The following MDGA1 variants were observed in gnomAD, a reference collection of about 807,000 sequenced individuals.
The protein encoded by MDGA1 is MAM domain containing glycosylphosphatidylinositol anchor 1, also known as MAM domain-containing glycosylphosphatidylinositol anchor protein 1.
A neutral mutation model predicts 101.5 loss-of-function variants in MDGA1; 54 were observed. The observed-to-expected ratio is 0.53, with a 90% CI of 0.43 to 0.67. The LOEUF (loss-of-function observed/expected upper bound fraction) is 0.67, where lower values mean the gene tolerates loss of function less well. MDGA1 is among the 30% of genes least tolerant of loss of function. The pLI is 0.00. For synonymous variants in MDGA1, 533 were observed against 558.3 expected (o/e 0.95, Z 0.64); for missense variants, 1,083 against 1,323.8 (o/e 0.82, Z 2.82).
At chr6:37,658,183 G>A (rs748375536) in intron 3 of MDGA1, 62 bp downstream of exon 3, 18 of 1,465,204 alleles carry the variant, frequency 1.2e-5, no homozygotes, top group Non-Finnish European at 1.5e-5. Flanking sequence ...CCTCATCCCT[G>A]GGGCGCCCTC....
intron 14 of MDGA1, among the ~76,000 whole-genome samples, chr6:37,640,669 T>G (rs1353231094): frequency 6.6e-6 from 1 of 151,910 alleles, no homozygotes; most frequent in Non-Finnish European, 1.5e-5. Context: ...TGTAAAGGGA[T>G]GTCAGGAAGC....
intron 2 of MDGA1, 29 bp downstream of exon 2, chr6:37,663,938 G>C (rs375399316): frequency 3.6e-5 from 58 of 1,612,708 alleles, no homozygotes; most frequent in Non-Finnish European, 4.7e-5. Flanking sequence ...GGTAGGAGGG[G>C]CCTGAGCAAG....
At position 37,657,337 on chromosome 6, in the gene MDGA1, C is replaced by T. The variant is rs138513044; in HGVS notation, c.382+908G>A. Among the ~76,000 whole-genome samples the T allele has an allele frequency of 2.8e-3, 423 of 152,262 alleles. 4 individuals carry two copies. Among genetic ancestry groups the T allele is most frequent in the African/African-American group, 9.6e-3 (399 of 41,540 alleles). Reference sequence around the variant, plus strand: ...CAGTACACATTCCAACATCTTGCAACGAATGTTCCAGCAGCCCATCATTCT... The same window carrying T: ...CAGTACACATTCCAACATCTTGCAATGAATGTTCCAGCAGCCCATCATTCT... On this transcript the variant is annotated intron_variant, in intron 3 of 16. Coordinates refer to ENST00000434837, the MANE Select transcript of MDGA1 (RefSeq NM_153487.4).
At chr6:37,672,285 T>TA (rs530299424) in intron 1 of MDGA1, among the ~76,000 whole-genome samples, 6,284 of 146,462 alleles carry the variant, frequency 0.043, 421 homozygotes, top group African/African-American at 0.14. Flanking sequence ...ACCCCATCTC[T>TA]AAAAAAAAAA....
rs1763929023 is a variant in MDGA1, at chr6:37,636,348, T to C, written c.*1020A>G. ...GACAGTGCTTTTTGGCATTTTGCCC[T>C]GTACACACCCTCCTATCCAGGGCAC... On this transcript the variant is annotated 3_prime_UTR_variant, in exon 17 of 17. Transcript: ENST00000434837. 1 of 152,314 alleles carries C rather than the reference T, an allele frequency of 6.6e-6. No individual in the cohort carries two copies. Among genetic ancestry groups the C allele is most frequent in the South Asian group, 2.1e-4 (1 of 4,832 alleles). The allele number at this position is 152,314 out of a possible 1,614,324, so 9.4% of individuals were successfully genotyped here.
rs764179003 is a variant in MDGA1, at chr6:37,644,586, A to G, written c.2312T>C (p.Phe771Ser). Residue 771 changes from phenylalanine to serine, a missense_variant, in exon 13 of 17, where the codon TTT becomes TCT. Around this residue, in one of 3 missense-constraint regions of MDGA1, gnomAD observed 657 missense variants for 771.4 expected, o/e 0.85. Coordinates refer to ENST00000434837, the MANE Select transcript of MDGA1 (RefSeq NM_153487.4). ...GAGGGCATTCTGCCGCGTCCAGTCAAAGTTGTCTGTCAGGTCCTGGGTATA... is the reference window on the plus strand; with the variant it reads ...GAGGGCATTCTGCCGCGTCCAGTCAGAGTTGTCTGTCAGGTCCTGGGTATA... ...CGYTQDLTDN[F>S]DWTRQNALTQ... The G allele has an allele frequency of 1.2e-6, 2 of 1,609,210 alleles. No homozygotes were observed. Among genetic ancestry groups the G allele is most frequent in the Admixed American group, 3.4e-5 (2 of 59,454 alleles).
rs1363643832 is a variant in MDGA1, at chr6:37,649,007, C to A, written c.1869G>T (p.Ser623=). 12 of 1,552,438 alleles carry A rather than the reference C, an allele frequency of 7.7e-6. No homozygotes were observed. The highest frequency in any genetic ancestry group is 9.6e-6 in the Non-Finnish European group (11 of 1,149,618). Residue 623 remains serine (S), a synonymous_variant, in exon 9 of 17, where the codon TCG becomes TCT. Coordinates refer to ENST00000434837, the MANE Select transcript of MDGA1 (RefSeq NM_153487.4). ...YECSVSNDVG[S]AACLFQVSAK... ...CGGAGACCTGGAAGAGGCAGGCAGC[C>A]GAGCCCACATCGTTGGAGACGCTGC...
rs980975322 is a variant in MDGA1 at position 37,654,671 on chromosome 6, G to A, written c.713-128C>T. ...GGGAGATGAGAGGGGAGAAGACGGA[G>A]CAGGAAGAGGAGGGGAGGGGCCAGA... On this transcript the variant is annotated intron_variant, in intron 5 of 16. Transcript: ENST00000434837. The A allele has an allele frequency of 4.5e-6, 7 of 1,539,330 alleles. No individual in the cohort carries two copies. The East Asian group carries it at 6.7e-5, about 15-fold the overall frequency.
chr6:37,691,525 A>G (rs1445310730), intron 1 of MDGA1, among the ~76,000 whole-genome samples: 3 of 152,098 alleles, frequency 2.0e-5, no homozygotes, highest in Admixed American at 6.5e-5. Context: ...TGACCAAACG[A>G]ATGGTGGGTT....
In MDGA1 at chr6:37,637,138, T is replaced by C. The variant is rs1010865718; in HGVS notation, c.*230A>G. Reference sequence around the variant, plus strand: ...ACTTGTGCTTTAATATATCTCTGTGTGTGTGAGCATGAGTGTGTGCGTGTG... The same window carrying C: ...ACTTGTGCTTTAATATATCTCTGTGCGTGTGAGCATGAGTGTGTGCGTGTG... On this transcript the variant is annotated 3_prime_UTR_variant, in exon 17 of 17. Transcript: ENST00000434837. 8.3e-6 allele frequency: 4 copies of C among 482,670 alleles called. No homozygotes were observed. Among genetic ancestry groups the C allele is most frequent in the Non-Finnish European group, 1.5e-5 (4 of 270,630 alleles). 29.9% of individuals were successfully genotyped at this position (482,670 alleles called of 1,614,324 possible).
In MDGA1 at chr6:37,637,477, G is replaced by C. The variant is rs1297463408; in HGVS notation, c.2777-18C>G. 8.1e-6 allele frequency: 13 copies of C among 1,608,750 alleles called. No homozygotes were observed. Among genetic ancestry groups the C allele is most frequent in the Non-Finnish European group, 1.1e-5 (13 of 1,175,868 alleles). On this transcript the variant is annotated intron_variant, in intron 16 of 16. Coordinates refer to ENST00000434837, the MANE Select transcript of MDGA1 (RefSeq NM_153487.4). The stretch of plus-strand genomic sequence containing the variant: ...CACCACCACTGCAACAGGGGAGAAA[G>C]AGGAGACAGGCCAGGGCTCTGGTCA...
At chr6:37,640,853 GAA>G (rs1491446965) in intron 14 of MDGA1, among the ~76,000 whole-genome samples, 1 of 152,160 alleles carries the variant, frequency 6.6e-6, no homozygotes, top group African/African-American at 2.4e-5. Flanking sequence ...CCAGGAGGGA[GAA>G]GAGAGAGCCG....
At chr6:37,647,138 A>C (rs900689637) in intron 10 of MDGA1, 35 bp downstream of exon 10, 11 of 1,562,486 alleles carry the variant, frequency 7.0e-6, no homozygotes, top group Middle Eastern at 1.7e-4. Flanking sequence ...ACCACACTCC[A>C]CCTGCCCCCA....
chr6:37,669,340 A>C lies in MDGA1; in HGVS notation c.68-5234T>G, dbSNP rs74535532. On this transcript the variant is annotated intron_variant, in intron 1 of 16. Transcript: ENST00000434837. ...AAACAGCATCCACTGTCCTGGGATG[A>C]TATTAACCATTGAGATTATCCAGGA... Among the ~76,000 whole-genome samples, 145 of 152,296 alleles carry C rather than the reference A, an allele frequency of 9.5e-4. No individual in the cohort carries two copies. The East Asian group carries it at 0.024, about 26-fold the overall frequency.
chr6:37,638,804 TG>T lies in MDGA1; in HGVS notation c.2537-138del. Reference sequence around the variant, plus strand: ...ACAGGACCTCCTCCCCATGCCCAGCTGGGTGCAATGTCCCATTCCTGCAGGG... The same window carrying T: ...ACAGGACCTCCTCCCCATGCCCAGCTGGTGCAATGTCCCATTCCTGCAGGG... On this transcript the variant is annotated intron_variant, in intron 14 of 16. Transcript: ENST00000434837. This position sits in a 1 kb window ranked among gnomAD's most constrained non-coding sequence, Gnocchi z 4.8. 1 of 1,171,730 alleles carries T rather than the reference TG, an allele frequency of 8.5e-7. No homozygotes were observed. Among genetic ancestry groups the T allele is most frequent in the Non-Finnish European group, 1.2e-6 (1 of 838,018 alleles). The allele number at this position is 1,171,730 out of a possible 1,614,324, so 72.6% of individuals were successfully genotyped here.
At chr6:37,660,908 A>C (rs1761609020) in intron 2 of MDGA1, among the ~76,000 whole-genome samples, 1 of 152,150 alleles carries the variant, frequency 6.6e-6, no homozygotes, top group Non-Finnish European at 1.5e-5. Context: ...GGTTGCCTAT[A>C]CCGAAGATCA....
chr6:37,693,827 T>C (rs1392321434), intron 1 of MDGA1, among the ~76,000 whole-genome samples: 1 of 152,204 alleles, frequency 6.6e-6, no homozygotes, highest in Non-Finnish European at 1.5e-5. Context: ...AAATGGACCA[T>C]CTGGTCCAGC....
At chr6:37,683,200 G>A (rs1199815813) in intron 1 of MDGA1, among the ~76,000 whole-genome samples, 4 of 152,210 alleles carry the variant, frequency 2.6e-5, no homozygotes, top group South Asian at 2.1e-4. Flanking sequence ...CCTTCAGGGA[G>A]AGCCTGAATT....
intron 6 of MDGA1, among the ~76,000 whole-genome samples, chr6:37,653,417 T>C (rs1378682610): frequency 1.3e-5 from 2 of 152,090 alleles, no homozygotes; most frequent in African/African-American, 4.8e-5. Flanking sequence ...CAGTGAGAGA[T>C]GAAGAGAGTC....
Sources: allele counts gnomAD v4.1 joint callset (sites outside exome capture counted in the v4.1 genomes callset), GRCh38; gene constraint gnomAD v4.1.1; regional missense constraint gnomAD v4.1.1; non-coding constraint Gnocchi (gnomAD v3.1); transcripts MANE v1.5; gene names NCBI Gene and HGNC (gene_info 2026-07-23, HGNC 2026-07-21).